The following ZBTB7C variants were observed in gnomAD, a reference collection of about 807,000 sequenced individuals.
ZBTB7C encodes zinc finger and BTB domain-containing protein 7C.
In ZBTB7C, 8 loss-of-function variants were observed where a neutral mutation model predicts 25.7. The observed-to-expected ratio is 0.31, with a 90% CI of 0.18 to 0.56. The LOEUF (loss-of-function observed/expected upper bound fraction) is 0.56, where lower values mean the gene tolerates loss of function less well. Among genes scored for constraint, ZBTB7C ranks in the 20% least tolerant of loss-of-function variants. The probability of loss-of-function intolerance (pLI) is 0.91; values close to 1 mark genes in which losing one functional copy is unlikely to be tolerated. For synonymous variants in ZBTB7C, 394 were observed against 369.0 expected (o/e 1.07, Z -0.78); for missense variants, 824 against 855.2 (o/e 0.96, Z 0.46).
At chr18:48,133,296 C>T (rs990352985) in intron 3 of ZBTB7C, among the ~76,000 whole-genome samples, 3 of 152,234 alleles carry the variant, frequency 2.0e-5, no homozygotes, top group South Asian at 2.1e-4. Context: ...GAGGCCCACT[C>T]TAGCTGATCC....
chr18:48,384,684 T>G (rs927865174), intron 1 of ZBTB7C, among the ~76,000 whole-genome samples: 5 of 152,200 alleles, frequency 3.3e-5, no homozygotes, highest in African/African-American at 1.2e-4. Context: ...TTTTTTGGTT[T>G]GTTTGTTTGT....
intron 2 of ZBTB7C, among the ~76,000 whole-genome samples, chr18:48,311,092 C>CAG (rs2045807541): frequency 6.6e-6 from 1 of 152,182 alleles, no homozygotes; most frequent in South Asian, 2.1e-4. Context: ...ACCTCTGATC[C>CAG]AGATTCCCCA....
chr18:48,202,606 C>CTG, intron 2 of ZBTB7C, among the ~76,000 whole-genome samples: 1 of 152,022 alleles, frequency 6.6e-6, no homozygotes, highest in South Asian at 2.1e-4. Flanking sequence ...TCCTTAGTAC[C>CTG]CCACTGTGCT....
Position 48,173,715 on chromosome 18 carries a change from T to G in ZBTB7C, c.-17+12219A>C, listed in dbSNP as rs140327073. On this transcript the variant is annotated intron_variant, in intron 3 of 4. Transcript: ENST00000590800. ...CTCCTTAAATTTTACACTGAGTGCCTCACTTGCCTCATCCTTGTCCTGGCC... is the reference window on the plus strand; with the variant it reads ...CTCCTTAAATTTTACACTGAGTGCCGCACTTGCCTCATCCTTGTCCTGGCC... Among the ~76,000 whole-genome samples the G allele has an allele frequency of 4.0e-3, 609 of 152,352 alleles. 6 individuals carry two copies. Among genetic ancestry groups the G allele is most frequent in the African/African-American group, 0.014 (579 of 41,590 alleles).
intron 3 of ZBTB7C, among the ~76,000 whole-genome samples, chr18:48,127,651 C>T (rs999282796): frequency 1.3e-5 from 2 of 152,236 alleles, no homozygotes; most frequent in Non-Finnish European, 2.9e-5. Context: ...GTTCTCCCCA[C>T]GTGAGGCTCA....
chr18:48,063,306 C>T (rs914445734), intron 3 of ZBTB7C, among the ~76,000 whole-genome samples: 3 of 152,186 alleles, frequency 2.0e-5, no homozygotes, highest in Admixed American at 6.5e-5. Flanking sequence ...AGGGGCTTTT[C>T]CCCCCCAGCT....
intron 3 of ZBTB7C, chr18:48,083,975 G>T (rs113449518): frequency 4.3e-5 from 32 of 747,066 alleles, no homozygotes; most frequent in African/African-American, 1.7e-4. Flanking sequence ...CAGGGTCGTC[G>T]CAGGGACAGC....
chr18:48,171,879 G>A (rs976378223), intron 3 of ZBTB7C, among the ~76,000 whole-genome samples: 16 of 152,364 alleles, frequency 1.1e-4, no homozygotes, highest in African/African-American at 3.6e-4. Flanking sequence ...AAGCCACTTG[G>A]CAAGTATCAG....
chr18:48,038,858 T>C (rs1315276966), intron 4 of ZBTB7C, among the ~76,000 whole-genome samples: 2 of 152,092 alleles, frequency 1.3e-5, no homozygotes, highest in Non-Finnish European at 2.9e-5. Context: ...CAGGATACAC[T>C]GAAATGACCA....
intron 3 of ZBTB7C, among the ~76,000 whole-genome samples, chr18:48,079,826 G>A (rs1482843903): frequency 3.9e-5 from 6 of 152,228 alleles, no homozygotes; most frequent in South Asian, 4.1e-4. Flanking sequence ...CAGGGGAGCC[G>A]GGGAAGAGGG....
chr18:48,286,021 G>A (rs957751810), intron 2 of ZBTB7C, among the ~76,000 whole-genome samples: 2 of 152,038 alleles, frequency 1.3e-5, no homozygotes, highest in African/African-American at 4.8e-5. Flanking sequence ...TCCCCTTGAG[G>A]GATTTAGAAC....
chr18:48,267,546 T>C (rs4939771), intron 2 of ZBTB7C, among the ~76,000 whole-genome samples: 20,464 of 152,174 alleles, frequency 0.13, 1,472 homozygotes, highest in East Asian at 0.23. Context: ...TCACTCACCA[T>C]GGCTTCTCCC....
intron 3 of ZBTB7C, among the ~76,000 whole-genome samples, chr18:48,068,113 G>C (rs1353355468): frequency 1.3e-5 from 2 of 150,904 alleles, no homozygotes; most frequent in East Asian, 3.9e-4. Flanking sequence ...GAATTCAGTG[G>C]CACTCAAACT....
chr18:48,093,305 CT>C (rs1277774061), intron 3 of ZBTB7C, among the ~76,000 whole-genome samples: 1 of 152,216 alleles, frequency 6.6e-6, no homozygotes, highest in East Asian at 1.9e-4. Flanking sequence ...AGCCCTCCCC[CT>C]GGCCAAGCCT....
At chr18:48,265,273 G>A (rs1265313023) in intron 2 of ZBTB7C, among the ~76,000 whole-genome samples, 1 of 152,154 alleles carries the variant, frequency 6.6e-6, no homozygotes, top group African/African-American at 2.4e-5. Context: ...GTTTAGGATT[G>A]AGCTTAGTTC....
At chr18:48,108,739 A>G (rs756049061) in intron 3 of ZBTB7C, among the ~76,000 whole-genome samples, 13 of 151,952 alleles carry the variant, frequency 8.6e-5, no homozygotes, top group South Asian at 6.2e-4. Context: ...CTTGGCTGGC[A>G]CTGTTTTTCT....
At chr18:48,173,607 G>T (rs368306329) in intron 3 of ZBTB7C, among the ~76,000 whole-genome samples, 57 of 152,342 alleles carry the variant, frequency 3.7e-4, no homozygotes, top group African/African-American at 1.3e-3. Context: ...TGGGAGGCAG[G>T]TGAGGCCCTA....
At chr18:48,193,214 C>T (rs1296331173) in intron 2 of ZBTB7C, among the ~76,000 whole-genome samples, 1 of 152,178 alleles carries the variant, frequency 6.6e-6, no homozygotes, top group Non-Finnish European at 1.5e-5. Context: ...CCCCAGCAAC[C>T]CGGGCACCTC....
intron 1 of ZBTB7C, among the ~76,000 whole-genome samples, chr18:48,387,857 G>GT (rs2047786894): frequency 1.3e-5 from 2 of 151,674 alleles, no homozygotes; most frequent in Non-Finnish European, 2.9e-5. Flanking sequence ...TTGTTTGTTT[G>GT]TTTTGAGACA....
Sources: gnomAD v4.1 joint callset for allele counts (sites outside exome capture counted in the v4.1 genomes callset) on GRCh38, gnomAD v4.1.1 for gene constraint, MANE v1.5 for transcripts, NCBI Gene and HGNC (gene_info 2026-07-23, HGNC 2026-07-21) for gene names.